The following LRRC8C variants were observed in gnomAD, a reference collection of about 807,000 sequenced individuals.
The protein encoded by LRRC8C is volume-regulated anion channel subunit LRRC8C.
Under a neutral mutation model 55.3 loss-of-function variants are expected in LRRC8C, and 20 were observed. The ratio of observed to expected loss-of-function variants is 0.36; its 90% CI spans 0.25 to 0.53. The LOEUF is 0.53. Among genes scored for constraint, LRRC8C ranks in the 20% least tolerant of loss-of-function variants. The pLI is 0.92. For synonymous variants in LRRC8C, 376 were observed against 360.7 expected (o/e 1.04, Z -0.48); for missense variants, 659 against 951.4 (o/e 0.69, Z 4.04).
chr1:89,667,842 A>C (rs1260022880), intron 1 of LRRC8C, among the ~76,000 whole-genome samples: 1 of 152,186 alleles, frequency 6.6e-6, no homozygotes, highest in Non-Finnish European at 1.5e-5. Context: ...TTTTACATAA[A>C]GTTTACCTAA....
Position 89,714,647 on chromosome 1 carries a change from A to C in LRRC8C, c.2077A>C (p.Asn693His). 1 of 1,614,168 alleles carries C rather than the reference A, an allele frequency of 6.2e-7. No homozygotes were observed. Among genetic ancestry groups the C allele is most frequent in the Non-Finnish European group, 8.5e-7 (1 of 1,180,012 alleles). Reference sequence around the variant, plus strand: ...GATCCGATACTTGGACTTATCGTACAATGACATTCGATTTATCCCCCCTGA... The same window carrying C: ...GATCCGATACTTGGACTTATCGTACCATGACATTCGATTTATCCCCCCTGA... ...NKIRYLDLSY[N>H]DIRFIPPEIG... Residue 693 changes from asparagine (N) to histidine (H), a missense_variant, in exon 3 of 3, where the codon AAT becomes CAT. Physicochemically the swap from Asn to His is moderately conservative, Grantham distance 68. Transcript: ENST00000370454. This position sits in a 1 kb window ranked among gnomAD's most constrained non-coding sequence, Gnocchi z 4.6.
intron 2 of LRRC8C, among the ~76,000 whole-genome samples, chr1:89,700,849 A>C (rs1015367475): frequency 6.6e-6 from 1 of 152,246 alleles, no homozygotes; most frequent in Non-Finnish European, 1.5e-5. Flanking sequence ...AACCAAGTTA[A>C]AGTACTGTCT....
chr1:89,687,121 A>G (rs1421830978), intron 2 of LRRC8C, among the ~76,000 whole-genome samples: 1 of 152,166 alleles, frequency 6.6e-6, no homozygotes, highest in Non-Finnish European at 1.5e-5. Context: ...GAATCCAGGT[A>G]TTTTTTACAT....
chr1:89,684,079 A>G (rs1016101213), intron 1 of LRRC8C, among the ~76,000 whole-genome samples: 2 of 152,008 alleles, frequency 1.3e-5, no homozygotes, highest in African/African-American at 4.8e-5. Flanking sequence ...TTTTTAATAA[A>G]TTATATATAT....
At chr1:89,623,872 G>A in the LRRC8C span, among the ~76,000 whole-genome samples, 17 of 152,352 alleles carry the variant, frequency 1.1e-4, no homozygotes, top group African/African-American at 3.6e-4. Context: ...AAAGCTAGTC[G>A]TTGTAAAGAA....
chr1:89,628,064 C>T, the LRRC8C span, among the ~76,000 whole-genome samples: 1 of 152,116 alleles, frequency 6.6e-6, no homozygotes, highest in African/African-American at 2.4e-5. Context: ...ATAATGTGTA[C>T]CTCATAAGTG....
rs143500941 is a variant in LRRC8C at position 89,703,631 on chromosome 1, C to A, written c.139-9078C>A. Among the ~76,000 whole-genome samples the A allele has an allele frequency of 8.4e-4, 126 of 150,290 alleles. 1 individual carries two copies. The highest frequency in any genetic ancestry group is 2.7e-3 in the African/African-American group (111 of 40,904). On this transcript the variant is annotated intron_variant, in intron 2 of 2. Coordinates refer to ENST00000370454, the MANE Select transcript of LRRC8C (RefSeq NM_032270.5). ...GGTATAGTTCAGTGGGTAGTTACAA[C>A]ATATTCTTGGAAGTGGTGTGGAGAT...
rs557238487 is a variant in LRRC8C, at chr1:89,681,359, C to G, written c.-4-5111C>G. Among the ~76,000 whole-genome samples the G allele has an allele frequency of 3.9e-5, 6 of 152,138 alleles. No individual in the cohort carries two copies. The East Asian group carries it at 1.2e-3, about 29-fold the overall frequency. The stretch of plus-strand genomic sequence containing the variant: ...TTTGTAGTTTTTTATTCAAGTCTTC[C>G]CTTACTCACCTTTTTGCATCAAAAA... On this transcript the variant is annotated intron_variant, in intron 1 of 2. Coordinates refer to ENST00000370454, the MANE Select transcript of LRRC8C (RefSeq NM_032270.5).
At chr1:89,704,226 T>C (rs1658409763) in intron 2 of LRRC8C, among the ~76,000 whole-genome samples, 1 of 152,136 alleles carries the variant, frequency 6.6e-6, no homozygotes, top group African/African-American at 2.4e-5. Context: ...GCCTTTAACC[T>C]CTGATCTGTT....
intron 2 of LRRC8C, among the ~76,000 whole-genome samples, chr1:89,706,551 T>C (rs1658486990): frequency 6.6e-6 from 1 of 152,178 alleles, no homozygotes; most frequent in South Asian, 2.1e-4. Flanking sequence ...CTTAAAATAG[T>C]GAAAATTTCT....
Position 89,673,984 on chromosome 1 carries a change from G to A in LRRC8C, c.-4-12486G>A, listed in dbSNP as rs186638220. Among the ~76,000 whole-genome samples the A allele has an allele frequency of 3.5e-3, 536 of 152,222 alleles. 2 individuals are homozygous for A. The highest frequency in any genetic ancestry group is 5.8e-3 in the Non-Finnish European group (396 of 68,006). On this transcript the variant is annotated intron_variant, in intron 1 of 2. Coordinates refer to ENST00000370454, the MANE Select transcript of LRRC8C (RefSeq NM_032270.5). ...CAAGGTGGGTGGGTATTGAAAGAACGTTCCAGTTGTAGGATTAGTACCAAA... is the reference window on the plus strand; with the variant it reads ...CAAGGTGGGTGGGTATTGAAAGAACATTCCAGTTGTAGGATTAGTACCAAA...
chr1:89,667,256 C>T (rs115917281), intron 1 of LRRC8C, among the ~76,000 whole-genome samples: 1,579 of 152,174 alleles, frequency 0.01, 43 homozygotes, highest in African/African-American at 0.037. Context: ...CCAGATCTTT[C>T]CTATCTCTAG....
chr1:89,690,559 GA>G (rs1164762438), intron 2 of LRRC8C, among the ~76,000 whole-genome samples: 2 of 130,292 alleles, frequency 1.5e-5, no homozygotes, highest in African/African-American at 5.1e-5. Context: ...AAAAGAGAAA[GA>G]ACACAGAAAA....
intron 1 of LRRC8C, among the ~76,000 whole-genome samples, chr1:89,676,860 C>T (rs186160127): frequency 1.6e-4 from 25 of 152,286 alleles, no homozygotes; most frequent in Admixed American, 5.2e-4. Context: ...GTGAGGGATT[C>T]TCTCAGCACC....
At chr1:89,655,920 T>C (rs1004246991) in intron 1 of LRRC8C, among the ~76,000 whole-genome samples, 1 of 152,242 alleles carries the variant, frequency 6.6e-6, no homozygotes, top group Non-Finnish European at 1.5e-5. Flanking sequence ...TCTGTTTATA[T>C]GCCATTGGCT....
intron 1 of LRRC8C, among the ~76,000 whole-genome samples, chr1:89,652,808 G>T (rs1328100107): frequency 6.6e-6 from 1 of 151,922 alleles, no homozygotes; most frequent in African/African-American, 2.4e-5. Flanking sequence ...GGAGAAGGGG[G>T]AATCGTTGCA....
intron 1 of LRRC8C, among the ~76,000 whole-genome samples, chr1:89,651,360 A>T (rs1048064932): frequency 1.3e-5 from 2 of 152,156 alleles, no homozygotes; most frequent in Non-Finnish European, 2.9e-5. Flanking sequence ...CGAGGTCAGG[A>T]GATCGAGACC....
chr1:89,685,761 T>C (rs1425452877), intron 1 of LRRC8C, among the ~76,000 whole-genome samples: 4 of 152,118 alleles, frequency 2.6e-5, no homozygotes, highest in Admixed American at 6.5e-5. Context: ...TGAACTGTTG[T>C]CTCAGCGGAG....
intron 1 of LRRC8C, among the ~76,000 whole-genome samples, chr1:89,660,650 T>A (rs1205587886): frequency 6.6e-6 from 1 of 152,170 alleles, no homozygotes; most frequent in Non-Finnish European, 1.5e-5. Context: ...TTTGAAAACA[T>A]GTGCACTTTC....
Sources: gnomAD v4.1 joint callset for allele counts (sites outside exome capture counted in the v4.1 genomes callset) on GRCh38, gnomAD v4.1.1 for gene constraint, Gnocchi (gnomAD v3.1) non-coding constraint, MANE v1.5 for transcripts, NCBI Gene and HGNC (gene_info 2026-07-23, HGNC 2026-07-21) for gene names.